The following PGS1 variants were observed in gnomAD, a reference collection of about 807,000 sequenced individuals.
The protein encoded by PGS1 is CDP-diacylglycerol--glycerol-3-phosphate 3-phosphatidyltransferase, mitochondrial.
In PGS1, 44 loss-of-function variants were observed where a neutral mutation model predicts 58.3. The observed-to-expected ratio is 0.75, with a 90% CI of 0.59 to 0.97. The LOEUF (loss-of-function observed/expected upper bound fraction) is 0.97, where lower values mean the gene tolerates loss of function less well. PGS1 is among the 50% of genes least tolerant of loss of function. The pLI, the probability that PGS1 is intolerant of heterozygous loss-of-function variation, is 0.00. For synonymous variants in PGS1, 330 were observed against 311.0 expected (o/e 1.06, Z -0.64); for missense variants, 684 against 731.1 (o/e 0.94, Z 0.74).
Position 78,415,936 on chromosome 17 carries a change from G to T in PGS1, c.1551+909G>T, listed in dbSNP as rs145667885. On this transcript the variant is annotated intron_variant, in intron 8 of 9. Coordinates refer to ENST00000262764, the MANE Select transcript of PGS1 (RefSeq NM_024419.5). ...GCAGATAACACTGCCGCAGGCCAGA[G>T]CCCAGAGGCATCGGACGGTAACTTT... is the stretch of plus-strand genomic sequence containing the variant. Among the ~76,000 whole-genome samples the T allele has an allele frequency of 2.9e-3, 443 of 152,358 alleles. 5 individuals are homozygous for T. The highest frequency in any genetic ancestry group is 0.01 in the African/African-American group (429 of 41,578).
In PGS1 at chr17:78,419,615, G is replaced by A; in HGVS notation, c.1621G>A (p.Val541Met). ...SATFEQPSRQ[V>M]KLWVKMVTPL... Reference sequence around the variant, plus strand: ...CACCTTCGAGCAGCCGAGTCGCCAGGTGAAGCTGTGGGTGAAGATGGTGAC... The same window carrying A: ...CACCTTCGAGCAGCCGAGTCGCCAGATGAAGCTGTGGGTGAAGATGGTGAC... Residue 541 changes from valine to methionine, a missense_variant, in exon 9 of 10, where the codon GTG becomes ATG. Coordinates refer to ENST00000262764, the MANE Select transcript of PGS1 (RefSeq NM_024419.5). 6.2e-7 allele frequency: 1 copy of A among 1,614,138 alleles called. No individual in the cohort carries two copies. Among genetic ancestry groups the A allele is most frequent in the Non-Finnish European group, 8.5e-7 (1 of 1,179,998 alleles).
At chr17:78,420,275 G>A in intron 9 of PGS1, 1 of 967,752 alleles carries the variant, frequency 1.0e-6, no homozygotes, top group Non-Finnish European at 1.2e-6. Flanking sequence ...ACCCAGGAGG[G>A]GCCTGCCGCT....
At chr17:78,384,593 C>T (rs560850987) in intron 1 of PGS1, among the ~76,000 whole-genome samples, 3 of 152,140 alleles carry the variant, frequency 2.0e-5, no homozygotes, top group Admixed American at 6.5e-5. Context: ...CGTGAATGTA[C>T]CTTACGGTTA....
intron 1 of PGS1, among the ~76,000 whole-genome samples, chr17:78,388,694 C>T (rs894235364): frequency 6.6e-6 from 1 of 152,152 alleles, no homozygotes; most frequent in East Asian, 1.9e-4. Flanking sequence ...AAACACCCTC[C>T]CCTCTGAGTT....
At chr17:78,398,082 A>G in intron 3 of PGS1, 170 bp from the exon 4 acceptor site, 2 of 697,288 alleles carry the variant, frequency 2.9e-6, no homozygotes, top group Non-Finnish European at 5.3e-6. Context: ...ATGATCATGA[A>G]GGTGCTCTCA....
intron 9 of PGS1, chr17:78,423,773 T>G: frequency 8.1e-7 from 1 of 1,228,656 alleles, no homozygotes; most frequent in Non-Finnish European, 1.1e-6. Context: ...TGTGCTTGGT[T>G]ACAAAGCACC....
intron 8 of PGS1, 136 bp from the exon 9 acceptor site, chr17:78,419,410 G>T (rs2085488450): frequency 1.3e-6 from 1 of 741,626 alleles, no homozygotes; most frequent in South Asian, 1.5e-5. Context: ...GAGCACCCTG[G>T]GAATCTCTGG....
chr17:78,398,338 G>T lies in PGS1; in HGVS notation c.498G>T (p.Thr166=). Reference sequence around the variant, plus strand: ...AGGTCTCCATTCTCTTAGACTTCACGCGGGGCTCACGAGGTAGGTGGCATG... The same window carrying T: ...AGGTCTCCATTCTCTTAGACTTCACTCGGGGCTCACGAGGTAGGTGGCATG... ...NLKVSILLDF[T]RGSRGRKNSR... The change falls in exon 4 of 10, where the codon ACG becomes ACT. Residue 166 remains threonine (T), a synonymous_variant. Coordinates refer to ENST00000262764, the MANE Select transcript of PGS1 (RefSeq NM_024419.5). The T allele has an allele frequency of 6.2e-7, 1 of 1,613,158 alleles. No individual in the cohort carries two copies. The highest frequency in any genetic ancestry group is 8.5e-7 in the Non-Finnish European group (1 of 1,179,230).
At chr17:78,404,528 C>CCTTG (rs2083960969) in intron 7 of PGS1, among the ~76,000 whole-genome samples, 2 of 152,074 alleles carry the variant, frequency 1.3e-5, no homozygotes, top group Admixed American at 1.3e-4. Flanking sequence ...GGTCTGCCTG[C>CCTTG]CTTGCCTCCC....
intron 9 of PGS1, 74 bp downstream of exon 9, chr17:78,419,749 TCAAC>T: frequency 6.3e-7 from 1 of 1,591,558 alleles, no homozygotes; most frequent in Non-Finnish European, 8.6e-7. Flanking sequence ...TTGTTCTGAC[TCAAC>T]CAGAGCTTCC....
intron 9 of PGS1, among the ~76,000 whole-genome samples, chr17:78,423,350 C>G (rs1187202083): frequency 6.6e-6 from 1 of 152,110 alleles, no homozygotes; most frequent in African/African-American, 2.4e-5. Flanking sequence ...GGGGCGGGGG[C>G]TTGGGTGTGT....
intron 1 of PGS1, among the ~76,000 whole-genome samples, chr17:78,391,431 T>C (rs552873467): frequency 6.6e-6 from 1 of 152,336 alleles, no homozygotes; most frequent in East Asian, 1.9e-4. Context: ...GAGATCCTCC[T>C]GCCTCAGCCT....
At chr17:78,402,385 G>A (rs1483799369) in intron 6 of PGS1, among the ~76,000 whole-genome samples, 1 of 140,046 alleles carries the variant, frequency 7.1e-6, no homozygotes, top group Non-Finnish European at 1.5e-5. Flanking sequence ...TTTCATTCTA[G>A]TAATTTCTAT....
At chr17:78,394,844 C>T (rs921472428) in intron 2 of PGS1, among the ~76,000 whole-genome samples, 1 of 152,192 alleles carries the variant, frequency 6.6e-6, no homozygotes, top group African/African-American at 2.4e-5. Flanking sequence ...CATTAGCCAC[C>T]GTGCCCAGCC....
chr17:78,416,346 T>C (rs966818821), intron 8 of PGS1, among the ~76,000 whole-genome samples: 1 of 152,250 alleles, frequency 6.6e-6, no homozygotes, highest in Non-Finnish European at 1.5e-5. Flanking sequence ...AACAGCGGGC[T>C]TTCCTGGACT....
At position 78,405,429 on chromosome 17, in the gene PGS1, C is replaced by T. The variant is rs575829325; in HGVS notation, c.1402+1340C>T. 5.9e-4 allele frequency among the ~76,000 whole-genome samples: 90 copies of T among 152,194 alleles called. 2 individuals are homozygous for T. The South Asian group carries it at 0.017, about 29-fold the overall frequency. ...TATATGCCAATGTCTGCCTTTTTTC[C>T]CCATAGCTGAGGAAATGGAGGCTCT... On this transcript the variant is annotated intron_variant, in intron 7 of 9. Transcript: ENST00000262764.
intron 2 of PGS1, among the ~76,000 whole-genome samples, chr17:78,394,780 C>T (rs756925174): frequency 9.2e-5 from 14 of 152,170 alleles, no homozygotes; most frequent in Non-Finnish European, 1.6e-4. Flanking sequence ...GTCTCGAACT[C>T]CCGACTTCAG....
intron 4 of PGS1, among the ~76,000 whole-genome samples, chr17:78,399,021 G>A (rs1317101295): frequency 2.0e-5 from 3 of 152,214 alleles, no homozygotes; most frequent in East Asian, 1.9e-4. Flanking sequence ...GGGTAGGGTC[G>A]TCTTCACCCA....
At chr17:78,388,487 C>T (rs2082568437) in intron 1 of PGS1, among the ~76,000 whole-genome samples, 1 of 151,514 alleles carries the variant, frequency 6.6e-6, no homozygotes, top group African/African-American at 2.4e-5. Context: ...GCACATGCCT[C>T]CACGCCTGGC....
Sources: gnomAD v4.1 joint callset for allele counts (sites outside exome capture counted in the v4.1 genomes callset) on GRCh38, gnomAD v4.1.1 for gene constraint, MANE v1.5 for transcripts, NCBI Gene and HGNC (gene_info 2026-07-23, HGNC 2026-07-21) for gene names.